The following CELF5 variants were observed in gnomAD, a reference collection of about 807,000 sequenced individuals.
CELF5 encodes CUGBP Elav-like family member 5.
In CELF5, 6 loss-of-function variants were observed where a neutral mutation model predicts 54.9. The ratio of observed to expected loss-of-function variants is 0.11; its 90% CI spans 0.06 to 0.22. CELF5 has a LOEUF of 0.22. CELF5 is among the 10% of genes least tolerant of loss of function. The pLI is 1.00. For synonymous variants in CELF5, 271 were observed against 290.9 expected (o/e 0.93, Z 0.70); for missense variants, 401 against 678.6 (o/e 0.59, Z 4.54).
At chr19:3,291,202 G>A (rs2145317542) in intron 11 of CELF5, among the ~76,000 whole-genome samples, 1 of 152,068 alleles carries the variant, frequency 6.6e-6, no homozygotes, top group South Asian at 2.1e-4. Flanking sequence ...TGAGGTCGAG[G>A]CTGCAGTGAG....
chr19:3,280,400 G>A (rs1033198768), intron 5 of CELF5, among the ~76,000 whole-genome samples: 12 of 151,290 alleles, frequency 7.9e-5, no homozygotes, highest in African/African-American at 2.2e-4. Context: ...GTGAAACCCC[G>A]TCTCTACTAA....
At chr19:3,271,858 C>A (rs2079970662) in intron 2 of CELF5, among the ~76,000 whole-genome samples, 1 of 151,674 alleles carries the variant, frequency 6.6e-6, no homozygotes, top group African/African-American at 2.4e-5. Context: ...AGTGGGGAGA[C>A]TTTGGGGGTC....
At chr19:3,272,631 A>C (rs115726895) in intron 2 of CELF5, among the ~76,000 whole-genome samples, 24 of 152,216 alleles carry the variant, frequency 1.6e-4, no homozygotes, top group Admixed American at 3.3e-4. Context: ...GGTTTCTCCA[A>C]TTCCTCCATG....
intron 4 of CELF5, among the ~76,000 whole-genome samples, chr19:3,277,667 A>G (rs1041268642): frequency 9.9e-5 from 15 of 151,828 alleles, no homozygotes; most frequent in African/African-American, 3.1e-4. Context: ...AGCCAGGTGC[A>G]GTGGCCTCTG....
At chr19:3,258,876 G>A (rs1016597663) in intron 2 of CELF5, among the ~76,000 whole-genome samples, 16 of 152,196 alleles carry the variant, frequency 1.1e-4, no homozygotes, top group Admixed American at 7.2e-4. Context: ...CTCCCAAAGC[G>A]CTGAGATTAC....
At chr19:3,233,096 TAAAA>T (rs1917345122) in intron 1 of CELF5, among the ~76,000 whole-genome samples, 1 of 131,938 alleles carries the variant, frequency 7.6e-6, no homozygotes, top group Admixed American at 7.7e-5. Context: ...AAATTAAAAT[TAAAA>T]ATAAATAAAT....
At position 3,224,765 on chromosome 19, in the gene CELF5, C is replaced by T; in HGVS notation, c.26C>T (p.Ala9Val). The change falls in exon 1 of 13, where the codon GCG becomes GTG. Residue 9 changes from alanine (A) to valine (V), a missense_variant. By Grantham distance (64) the Ala-to-Val change is moderately conservative. Transcript: ENST00000292672. MARLTESE[A>V]RRQQQQLLQP... is the part of the protein sequence containing the mutation. ...ATGGCCCGCCTGACGGAGAGCGAGG[C>T]GCGCCGGCAGCAGCAGCAGCTCCTG... The T allele has an allele frequency of 7.0e-7, 1 of 1,433,196 alleles. No homozygotes were observed. The highest frequency in any genetic ancestry group is 1.4e-5 in the South Asian group (1 of 69,254). The allele number at this position is 1,433,196 out of a possible 1,614,324, so 88.8% of individuals were successfully genotyped here.
Position 3,225,010 on chromosome 19 carries a change from GC to G in CELF5, c.259+17del, listed in dbSNP as rs756594073. 2.7e-6 allele frequency: 4 copies of G among 1,494,566 alleles called. No homozygotes were observed. The highest frequency in any genetic ancestry group is 1.3e-5 in the South Asian group (1 of 79,428). The allele number at this position is 1,494,566 out of a possible 1,614,324, so 92.6% of individuals were successfully genotyped here. A position where few individuals can be genotyped will look rare whatever the true frequency, so the allele number is the denominator to read the frequency against. On this transcript the variant is annotated intron_variant, in intron 1 of 12. Coordinates refer to ENST00000292672, the MANE Select transcript of CELF5 (RefSeq NM_021938.4). Reference sequence around the variant, plus strand: ...GGGGATGCACAAAGGTGGGCGCCCGGCCCCCTCCCCCCTCTCCCCCTCCCTC... The same window carrying G: ...GGGGATGCACAAAGGTGGGCGCCCGGCCCCTCCCCCCTCTCCCCCTCCCTC...
At chr19:3,284,784 A>C in intron 8 of CELF5, 118 bp from the exon 9 acceptor site, 1 of 867,218 alleles carries the variant, frequency 1.2e-6, no homozygotes, top group Non-Finnish European at 1.9e-6. Context: ...CAGAGGGTTT[A>C]GCACAGAGGA....
At chr19:3,258,980 T>C (rs891722088) in intron 2 of CELF5, among the ~76,000 whole-genome samples, 2 of 152,028 alleles carry the variant, frequency 1.3e-5, no homozygotes, top group African/African-American at 4.8e-5. Flanking sequence ...TGACCAAATG[T>C]CAGGGTGACC....
At chr19:3,265,434 C>T (rs1312202042) in intron 2 of CELF5, among the ~76,000 whole-genome samples, 2 of 152,194 alleles carry the variant, frequency 1.3e-5, no homozygotes, top group South Asian at 4.1e-4. Context: ...CAGAGCAGGG[C>T]CACCCCATGG....
Position 3,275,775 on chromosome 19 carries a change from A to T in CELF5, c.395-81A>T. On this transcript the variant is annotated intron_variant, in intron 3 of 12. Transcript: ENST00000292672. This position sits in a 1 kb window ranked among gnomAD's most constrained non-coding sequence, Gnocchi z 6.7. ...CGCGTCTTCCTGCCCTGCCGCCTCC[A>T]CTCTGCTGGAGGGAGGGAGGAATCC... 1 of 1,456,340 alleles carries T rather than the reference A, an allele frequency of 6.9e-7. No homozygotes were observed. The highest frequency in any genetic ancestry group is 9.2e-7 in the Non-Finnish European group (1 of 1,084,186). 90.2% of individuals were successfully genotyped at this position (1,456,340 alleles called of 1,614,324 possible). A position where few individuals can be genotyped will look rare whatever the true frequency, so the allele number is the denominator to read the frequency against.
chr19:3,231,148 C>T (rs1917233421), intron 1 of CELF5, among the ~76,000 whole-genome samples: 2 of 152,194 alleles, frequency 1.3e-5, no homozygotes, highest in African/African-American at 4.8e-5. Context: ...TCCAGTTGGT[C>T]TGGAGTCATA....
chr19:3,271,822 G>A (rs573660650), intron 2 of CELF5, among the ~76,000 whole-genome samples: 1 of 152,190 alleles, frequency 6.6e-6, no homozygotes, highest in Admixed American at 6.6e-5. Flanking sequence ...CTTAGAGAAG[G>A]TGTCAGATCA....
Position 3,256,083 on chromosome 19 carries a change from C to T in CELF5, c.342+5016C>T, listed in dbSNP as rs149506204. On this transcript the variant is annotated intron_variant, in intron 2 of 12. Transcript: ENST00000292672. ...CTGTCTCAAAAAAAAAGGAAAGGTG[C>T]GAAGTGGATACTATTTTTGGAGGTG... 4.1e-3 allele frequency among the ~76,000 whole-genome samples: 518 copies of T among 127,106 alleles called. 3 individuals are homozygous for T. The highest frequency in any genetic ancestry group is 0.015 in the African/African-American group (498 of 33,666). The allele number at this position is 127,106 out of a possible 152,430, so 83.4% of individuals were successfully genotyped here.
In CELF5 at chr19:3,247,240, C is replaced by T. The variant is rs150919611; in HGVS notation, c.260-3745C>T. Among the ~76,000 whole-genome samples, 331 of 152,198 alleles carry T rather than the reference C, an allele frequency of 2.2e-3. 1 individual carries two copies. The highest frequency in any genetic ancestry group is 6.6e-3 in the African/African-American group (274 of 41,542). On this transcript the variant is annotated intron_variant, in intron 1 of 12. Transcript: ENST00000292672. ...ACCCTGGGCTCAAGCGATCCTCCTGCCTTGGCCTCCCGAGTAGCTGGGACT... is the reference window on the plus strand; with the variant it reads ...ACCCTGGGCTCAAGCGATCCTCCTGTCTTGGCCTCCCGAGTAGCTGGGACT...
intron 1 of CELF5, among the ~76,000 whole-genome samples, chr19:3,245,766 G>A (rs907368904): frequency 3.3e-5 from 5 of 152,030 alleles, no homozygotes; most frequent in Admixed American, 1.3e-4. Flanking sequence ...ATACAACAAC[G>A]GCAACAGGAA....
intron 12 of CELF5, chr19:3,295,460 C>A (rs1451235095): frequency 6.6e-6 from 1 of 152,214 alleles, no homozygotes; most frequent in Non-Finnish European, 1.5e-5. Context: ...AGTAGAGTGA[C>A]CCTGGGCCGG....
At position 3,281,560 on chromosome 19, in the gene CELF5, C is replaced by A. The variant is rs998969010; in HGVS notation, c.750+215C>A. ...CTCACAGTAACACCCAATCTTGGACCGAGCCCCAGAACCTGGCTATGCTCC... is the reference window on the plus strand; with the variant it reads ...CTCACAGTAACACCCAATCTTGGACAGAGCCCCAGAACCTGGCTATGCTCC... On this transcript the variant is annotated intron_variant, in intron 6 of 12. Coordinates refer to ENST00000292672, the MANE Select transcript of CELF5 (RefSeq NM_021938.4). The surrounding 1 kb of genome is among the most constrained non-coding windows in gnomAD (Gnocchi z 6.5). Among the ~76,000 whole-genome samples, 1 of 152,138 alleles carries A rather than the reference C, an allele frequency of 6.6e-6. No individual in the cohort carries two copies. The highest frequency in any genetic ancestry group is 2.4e-5 in the African/African-American group (1 of 41,430).
Sources: allele counts gnomAD v4.1 joint callset (sites outside exome capture counted in the v4.1 genomes callset), GRCh38; gene constraint gnomAD v4.1.1; non-coding constraint Gnocchi (gnomAD v3.1); transcripts MANE v1.5; gene names NCBI Gene and HGNC (gene_info 2026-07-23, HGNC 2026-07-21).